KLF12: variants seen among roughly 807,000 people sequenced by gnomAD.
KLF12 encodes KLF transcription factor 12.
A neutral mutation model predicts 37.8 loss-of-function variants in KLF12; 9 were observed. That is an observed-to-expected ratio of 0.24 (90% CI 0.14 to 0.42). The LOEUF is 0.42. Among genes scored for constraint, KLF12 ranks in the 10% least tolerant of loss-of-function variants. The pLI is 1.00. For synonymous variants in KLF12, 208 were observed against 202.1 expected (o/e 1.03, Z -0.25); for missense variants, 411 against 516.0 (o/e 0.80, Z 1.97).
Position 74,008,483 on chromosome 13 carries a change from G to T in KLF12, c.-31-13430C>A, listed in dbSNP as rs115505629. On this transcript the variant is annotated intron_variant, in intron 1 of 7. Coordinates refer to ENST00000377669, the MANE Select transcript of KLF12 (RefSeq NM_007249.5). ...GGGTTTCTGTTGTTCTTTGCAATAT[G>T]ATGAATTCTTATGGCTGACGACTAA... Among the ~76,000 whole-genome samples, 1,510 of 152,300 alleles carry T rather than the reference G, an allele frequency of 9.9e-3. 22 individuals are homozygous for T. The highest frequency in any genetic ancestry group is 0.034 in the African/African-American group (1,409 of 41,572).
intron 4 of KLF12, among the ~76,000 whole-genome samples, chr13:73,830,974 T>C (rs541348363): frequency 1.4e-5 from 2 of 142,206 alleles, no homozygotes; most frequent in South Asian, 4.5e-4. Flanking sequence ...CAACATGGAA[T>C]TACCTCACGC....
At position 73,722,643 on chromosome 13, in the gene KLF12, G is replaced by A. The variant is rs569738110; in HGVS notation, c.870-7118C>T. Among the ~76,000 whole-genome samples, 3 of 152,278 alleles carry A rather than the reference G, an allele frequency of 2.0e-5. No homozygotes were observed. The East Asian group carries it at 5.8e-4, about 29-fold the overall frequency. On this transcript the variant is annotated intron_variant, in intron 6 of 7. Transcript: ENST00000377669. ...GTAGTTGCCACCCTTTTCAGAAGCT[G>A]TGACTGAGACATTATATCATGTTCT... is the stretch of plus-strand genomic sequence containing the variant.
intron 1 of KLF12, among the ~76,000 whole-genome samples, chr13:74,006,280 A>C (rs1464743264): frequency 6.6e-6 from 1 of 152,082 alleles, no homozygotes; most frequent in Non-Finnish European, 1.5e-5. Context: ...TGTTCTCTCT[A>C]ACCATTACCA....
chr13:74,196,906 T>C, the KLF12 span, among the ~76,000 whole-genome samples: 3 of 152,308 alleles, frequency 2.0e-5, no homozygotes, highest in South Asian at 6.2e-4. Flanking sequence ...TAAGTTAGTT[T>C]AATTTAAAAT....
chr13:74,228,412 T>C, the KLF12 span, among the ~76,000 whole-genome samples: 1 of 152,170 alleles, frequency 6.6e-6, no homozygotes, highest in Non-Finnish European at 1.5e-5. Context: ...TGAAATAATA[T>C]TTATACACTA....
intron 3 of KLF12, among the ~76,000 whole-genome samples, chr13:73,856,989 AAAAAT>A (rs941786570): frequency 1.3e-5 from 2 of 152,170 alleles, no homozygotes; most frequent in Non-Finnish European, 2.9e-5. Context: ...CCCTGTCTCA[AAAAAT>A]AAAATAAGAT....
the KLF12 span, among the ~76,000 whole-genome samples, chr13:74,150,832 AAGACTCAT>A: frequency 6.6e-6 from 1 of 152,122 alleles, no homozygotes; most frequent in Non-Finnish European, 1.5e-5. Context: ...AGATAAAGGA[AAGACTCAT>A]GTCCTGGGGT....
chr13:73,978,586 C>T (rs1280066212), intron 2 of KLF12, among the ~76,000 whole-genome samples: 4 of 152,106 alleles, frequency 2.6e-5, no homozygotes, highest in Non-Finnish European at 4.4e-5. Context: ...CCTTAGGATC[C>T]ACCAATCATT....
At chr13:73,893,538 T>C (rs112870773) in intron 3 of KLF12, among the ~76,000 whole-genome samples, 9 of 152,026 alleles carry the variant, frequency 5.9e-5, no homozygotes, top group African/African-American at 2.2e-4. Context: ...CGCGCTGCTA[T>C]ACCTGGCTAA....
At chr13:74,068,728 C>T (rs1044574847) in intron 1 of KLF12, among the ~76,000 whole-genome samples, 6 of 151,704 alleles carry the variant, frequency 4.0e-5, no homozygotes, top group African/African-American at 1.5e-4. Context: ...AGCTAATTTT[C>T]GTATTTTTAG....
At chr13:73,765,395 G>A (rs1459044960) in intron 5 of KLF12, among the ~76,000 whole-genome samples, 1 of 152,150 alleles carries the variant, frequency 6.6e-6, no homozygotes, top group Non-Finnish European at 1.5e-5. Context: ...TGGGCACAAA[G>A]AGGTGTCTAA....
intron 5 of KLF12, among the ~76,000 whole-genome samples, chr13:73,811,132 C>T (rs1008052799): frequency 4.0e-5 from 6 of 151,028 alleles, no homozygotes; most frequent in Non-Finnish European, 5.9e-5. Flanking sequence ...ATTACAGGCA[C>T]CCACCACCAC....
intron 1 of KLF12, among the ~76,000 whole-genome samples, chr13:74,055,018 C>T (rs1873166123): frequency 1.3e-5 from 2 of 152,122 alleles, no homozygotes; most frequent in South Asian, 2.1e-4. Context: ...TAAGAAATTA[C>T]AATAACAGGG....
chr13:73,881,624 C>T (rs1289186342), intron 3 of KLF12, among the ~76,000 whole-genome samples: 2 of 152,100 alleles, frequency 1.3e-5, no homozygotes, highest in Non-Finnish European at 2.9e-5. Flanking sequence ...CATTTTGCAT[C>T]TCCTCTGTAT....
chr13:74,285,965 C>G, the KLF12 span, among the ~76,000 whole-genome samples: 1 of 152,114 alleles, frequency 6.6e-6, no homozygotes, highest in East Asian at 1.9e-4. Flanking sequence ...ATTTCACAGG[C>G]CCTGAGTGCT....
intron 2 of KLF12, among the ~76,000 whole-genome samples, chr13:73,966,575 T>A (rs961221327): frequency 6.6e-6 from 1 of 152,204 alleles, no homozygotes; most frequent in South Asian, 2.1e-4. Context: ...AATGCAGTCC[T>A]GACCTCTGTG....
At chr13:74,084,503 G>C (rs1296228213) in intron 1 of KLF12, among the ~76,000 whole-genome samples, 4 of 152,136 alleles carry the variant, frequency 2.6e-5, no homozygotes, top group African/African-American at 4.8e-5. Flanking sequence ...AAGTCACCAC[G>C]AAACATTTAC....
At chr13:73,752,173 G>A (rs917407498) in intron 6 of KLF12, among the ~76,000 whole-genome samples, 10 of 151,972 alleles carry the variant, frequency 6.6e-5, no homozygotes, top group African/African-American at 9.7e-5. Context: ...TGTAGAGATG[G>A]GGTTTTGTCA....
the KLF12 span, among the ~76,000 whole-genome samples, chr13:74,260,790 G>GT: frequency 6.6e-6 from 1 of 151,888 alleles, no homozygotes; most frequent in South Asian, 2.1e-4. Context: ...AAATTTGCGG[G>GT]TATGTGTGCT....
Sources: allele counts gnomAD v4.1 joint callset (sites outside exome capture counted in the v4.1 genomes callset), GRCh38; gene constraint gnomAD v4.1.1; transcripts MANE v1.5; gene names NCBI Gene and HGNC (gene_info 2026-07-23, HGNC 2026-07-21).